Variants in ADGRF1 observed in about 807,000 individuals in gnomAD.
ADGRF1 encodes the protein G protein-coupled receptor 110.
A neutral mutation model predicts 87.2 loss-of-function variants in ADGRF1; 85 were observed. That is an observed-to-expected ratio of 0.97 (90% confidence interval 0.82 to 1.17). The LOEUF (loss-of-function observed/expected upper bound fraction) is 1.17. ADGRF1 is among the 50% of genes most tolerant of loss of function. The probability of loss-of-function intolerance (pLI) is 0.00; values close to 1 mark genes in which losing one functional copy is unlikely to be tolerated. For synonymous variants in ADGRF1, 430 were observed against 408.8 expected (o/e 1.05, Z -0.63); for missense variants, 1,169 against 1,077.2 (o/e 1.09, Z -1.19).
chr6:47,007,595 A>G (rs187185161), intron 11 of ADGRF1, among the ~76,000 whole-genome samples: 8 of 152,314 alleles, frequency 5.3e-5, no homozygotes, highest in African/African-American at 1.7e-4. Flanking sequence ...AACAAATAGC[A>G]TCCTTTTTTG....
chr6:47,016,340 C>T lies in ADGRF1; in HGVS notation c.763+277G>A, dbSNP rs142355589. Among the ~76,000 whole-genome samples, 209 of 152,302 alleles carry T rather than the reference C, an allele frequency of 1.4e-3. 1 individual carries two copies. Among genetic ancestry groups the T allele is most frequent in the African/African-American group, 4.7e-3 (196 of 41,560 alleles). On this transcript the variant is annotated intron_variant, in intron 8 of 14. Coordinates refer to ENST00000371253, the MANE Select transcript of ADGRF1 (RefSeq NM_153840.4). The stretch of plus-strand genomic sequence containing the variant: ...CAACATGTGTGCCAGTCAACTATTG[C>T]TGAGCCCTTTCCATCACAGCCTGCA...
rs769313837 is a variant in ADGRF1, at chr6:47,018,453, C to G, written c.612-1685G>C. 24 of 1,289,612 alleles carry G rather than the reference C, an allele frequency of 1.9e-5. No individual in the cohort carries two copies. The South Asian group carries it at 3.0e-4, about 16-fold the overall frequency. The allele number at this position is 1,289,612 out of a possible 1,614,324, so 79.9% of individuals were successfully genotyped here. A position where few individuals can be genotyped will look rare whatever the true frequency, so the allele number is the denominator to read the frequency against. On this transcript the variant is annotated intron_variant, in intron 7 of 14. Transcript: ENST00000371253. ...ACAATGTATAAATAAGTGCAGACAC[C>G]CTTTTGCTTAATGATGGTCACAATA...
intron 6 of ADGRF1, 85 bp from the exon 7 acceptor site, chr6:47,020,874 A>G (rs1939017781): frequency 2.0e-6 from 2 of 1,015,500 alleles, no homozygotes; most frequent in South Asian, 2.7e-5. Context: ...TACAGACAAT[A>G]AATAAATCAA....
Position 47,016,519 on chromosome 6 carries a change from G to A in ADGRF1, c.763+98C>T, listed in dbSNP as rs555005727. On this transcript the variant is annotated intron_variant, in intron 8 of 14. Coordinates refer to ENST00000371253, the MANE Select transcript of ADGRF1 (RefSeq NM_153840.4). ...CTGAAAGGCAGTTAGAGAACAATTC[G>A]TTATTCAAACGTCTCAAATCTACTT... 1.4e-5 allele frequency: 19 copies of A among 1,331,124 alleles called. No individual in the cohort carries two copies. In the South Asian group the frequency reaches 3.1e-4, roughly 22 times the overall value. The allele number at this position is 1,331,124 out of a possible 1,614,324, so 82.5% of individuals were successfully genotyped here. A position where few individuals can be genotyped will look rare whatever the true frequency, so the allele number is the denominator to read the frequency against.
intron 4 of ADGRF1, among the ~76,000 whole-genome samples, chr6:47,025,065 G>C (rs759079047): frequency 1.3e-5 from 2 of 152,218 alleles, no homozygotes; most frequent in Non-Finnish European, 2.9e-5. Context: ...TTTGGGGAAA[G>C]TCATGATGAA....
chr6:47,021,821 G>A (rs1019429284), intron 6 of ADGRF1, 137 bp downstream of exon 6: 1 of 583,894 alleles, frequency 1.7e-6, no homozygotes, highest in Non-Finnish European at 3.0e-6. Flanking sequence ...ACTGTGGGCA[G>A]AGCAAATAAC....
intron 1 of ADGRF1, among the ~76,000 whole-genome samples, chr6:47,029,949 C>T (rs1780360444): frequency 6.6e-6 from 1 of 152,194 alleles, no homozygotes; most frequent in Admixed American, 6.5e-5. Context: ...CTTCTTCTGG[C>T]CTCTCAATGT....
chr6:47,021,094 A>G (rs1456170578), intron 6 of ADGRF1, among the ~76,000 whole-genome samples: 1 of 152,188 alleles, frequency 6.6e-6, no homozygotes, highest in Non-Finnish European at 1.5e-5. Flanking sequence ...CGTAGAATAA[A>G]TTTACCCAAA....
intron 1 of ADGRF1, among the ~76,000 whole-genome samples, chr6:47,040,947 T>C (rs956637430): frequency 7.2e-5 from 11 of 152,328 alleles, no homozygotes; most frequent in African/African-American, 2.4e-4. Flanking sequence ...AAATTTACTC[T>C]ACTTTTGGAG....
chr6:47,038,508 T>C (rs1334401478), intron 1 of ADGRF1, among the ~76,000 whole-genome samples: 3 of 152,210 alleles, frequency 2.0e-5, no homozygotes, highest in Non-Finnish European at 4.4e-5. Flanking sequence ...CCTAGTGATG[T>C]TTTGATATAT....
At chr6:47,037,987 A>C (rs140266220) in intron 1 of ADGRF1, among the ~76,000 whole-genome samples, 7 of 152,244 alleles carry the variant, frequency 4.6e-5, no homozygotes, top group African/African-American at 1.7e-4. Context: ...CAGCCTCCCG[A>C]GTACCTGGGA....
intron 14 of ADGRF1, among the ~76,000 whole-genome samples, chr6:47,000,994 A>G (rs557880246): frequency 6.6e-6 from 1 of 152,350 alleles, no homozygotes; most frequent in African/African-American, 2.4e-5. Flanking sequence ...ATCAATGAAC[A>G]TAGGGCCAGT....
intron 11 of ADGRF1, among the ~76,000 whole-genome samples, chr6:47,008,623 C>T (rs1779599129): frequency 6.6e-6 from 1 of 152,108 alleles, no homozygotes; most frequent in Non-Finnish European, 1.5e-5. Context: ...ATGTATTTCC[C>T]TTTCTCTGTT....
At position 47,009,485 on chromosome 6, in the gene ADGRF1, C is replaced by A. The variant is rs773097753; in HGVS notation, c.1950G>T (p.Thr650=). 2 of 1,613,782 alleles carry A rather than the reference C, an allele frequency of 1.2e-6. No individual in the cohort carries two copies. Among genetic ancestry groups the A allele is most frequent in the South Asian group, 1.1e-5 (1 of 91,012 alleles). ...WFIVGATVDT[T]VNPSGVCTAA... is the part of the protein sequence containing the mutation. ...CTGTGCAGACTCCAGAAGGGTTCAC[C>A]GTGGTGTCCACTGTGGCACCAACAA... Residue 650 remains threonine, a synonymous_variant, in exon 11 of 15, where the codon ACG becomes ACT. Transcript: ENST00000371253.
chr6:47,003,761 T>C (rs1779432664), intron 13 of ADGRF1, among the ~76,000 whole-genome samples: 1 of 152,182 alleles, frequency 6.6e-6, no homozygotes, highest in African/African-American at 2.4e-5. Context: ...CCCTAAAATG[T>C]ATAAAATCAA....
chr6:47,032,513 G>T (rs1367909037), intron 1 of ADGRF1, among the ~76,000 whole-genome samples: 1 of 152,148 alleles, frequency 6.6e-6, no homozygotes, highest in Non-Finnish European at 1.5e-5. Context: ...GTCAAAGGTG[G>T]GAAAAAATGA....
intron 13 of ADGRF1, among the ~76,000 whole-genome samples, chr6:47,005,094 A>G (rs1779482729): frequency 6.6e-6 from 1 of 152,218 alleles, no homozygotes; most frequent in Non-Finnish European, 1.5e-5. Context: ...TAAAATAAAG[A>G]AATTCTCTGC....
At chr6:47,012,439 T>C (rs938343693) in intron 9 of ADGRF1, 8 of 643,676 alleles carry the variant, frequency 1.2e-5, no homozygotes, top group Non-Finnish European at 1.7e-5. Flanking sequence ...ACCATTATTA[T>C]TTTCATTCAT....
intron 1 of ADGRF1, among the ~76,000 whole-genome samples, chr6:47,038,805 C>G (rs1433565686): frequency 1.3e-5 from 2 of 152,100 alleles, no homozygotes; most frequent in East Asian, 3.8e-4. Flanking sequence ...TAATTGATAC[C>G]TTGTTCAACA....
Sources: allele counts gnomAD v4.1 joint callset (sites outside exome capture counted in the v4.1 genomes callset), GRCh38; gene constraint gnomAD v4.1.1; transcripts MANE v1.5; gene names NCBI Gene and HGNC (gene_info 2026-07-23, HGNC 2026-07-21).